Variants in TENM2 observed in about 807,000 individuals in gnomAD.
TENM2 encodes teneurin-2.
In TENM2, 52 loss-of-function variants were observed where a neutral mutation model predicts 245.2. The ratio of observed to expected loss-of-function variants is 0.21; its 90% CI spans 0.17 to 0.27. The LOEUF (loss-of-function observed/expected upper bound fraction) is 0.27. TENM2 is among the 10% of genes least tolerant of loss of function. The pLI, the probability that TENM2 is intolerant of heterozygous loss-of-function variation, is 1.00. For synonymous variants in TENM2, 1,363 were observed against 1,438.9 expected (o/e 0.95, Z 1.19); for missense variants, 3,046 against 3,666.8 (o/e 0.83, Z 4.37).
At chr5:167,039,201 G>A in the TENM2 span, among the ~76,000 whole-genome samples, 1 of 152,074 alleles carries the variant, frequency 6.6e-6, no homozygotes, top group Non-Finnish European at 1.5e-5. Flanking sequence ...CACTGGAGCT[G>A]GGTGTTCCTG....
intron 2 of TENM2, among the ~76,000 whole-genome samples, chr5:167,751,223 C>T (rs1761941214): frequency 6.6e-6 from 1 of 151,978 alleles, no homozygotes; most frequent in Non-Finnish European, 1.5e-5. Flanking sequence ...AGGTAAGAAC[C>T]CTATGGACTC....
chr5:167,238,694 C>CAA, the TENM2 span, among the ~76,000 whole-genome samples: 1,507 of 57,916 alleles, frequency 0.026, 58 homozygotes, highest in African/African-American at 0.07. Context: ...ACAGGAGATG[C>CAA]AAAAAAAAAA....
At chr5:167,694,299 A>G (rs1375203230) in intron 2 of TENM2, among the ~76,000 whole-genome samples, 2 of 152,132 alleles carry the variant, frequency 1.3e-5, no homozygotes, top group African/African-American at 2.4e-5. Context: ...CAAAACTGGG[A>G]TCCTGATTGA....
chr5:167,316,473 GTTTC>G (rs1002966464), intron 1 of TENM2, among the ~76,000 whole-genome samples: 2 of 152,232 alleles, frequency 1.3e-5, no homozygotes, highest in African/African-American at 2.4e-5. Flanking sequence ...CTGCCTAAGT[GTTTC>G]TTTCTTTCTT....
chr5:167,077,331 C>CT, the TENM2 span, among the ~76,000 whole-genome samples: 2 of 152,026 alleles, frequency 1.3e-5, no homozygotes, highest in South Asian at 2.1e-4. Flanking sequence ...CATTTTTAAA[C>CT]TTTTTTTTCT....
chr5:167,162,616 G>A, the TENM2 span, among the ~76,000 whole-genome samples: 2 of 144,608 alleles, frequency 1.4e-5, no homozygotes, highest in African/African-American at 5.2e-5. Flanking sequence ...GACAAAGCAA[G>A]ACTGTATCTA....
At chr5:167,018,563 G>A in the TENM2 span, among the ~76,000 whole-genome samples, 29 of 152,140 alleles carry the variant, frequency 1.9e-4, no homozygotes, top group Non-Finnish European at 3.8e-4. Flanking sequence ...TTATTTTTAG[G>A]GTGGCAGACA....
intron 2 of TENM2, among the ~76,000 whole-genome samples, chr5:167,427,383 G>T (rs1223817407): frequency 6.6e-6 from 1 of 151,474 alleles, no homozygotes; most frequent in African/African-American, 2.4e-5. Flanking sequence ...AACCCAGGAG[G>T]TGGATAGTCC....
At chr5:168,126,382 G>C (rs61005689) in intron 11 of TENM2, among the ~76,000 whole-genome samples, 1 of 152,152 alleles carries the variant, frequency 6.6e-6, no homozygotes, top group East Asian at 1.9e-4. Flanking sequence ...TCAATCTCTA[G>C]AAGAGTGGTT....
intron 2 of TENM2, among the ~76,000 whole-genome samples, chr5:167,480,645 C>G (rs1173956758): frequency 6.6e-6 from 1 of 152,138 alleles, no homozygotes; most frequent in African/African-American, 2.4e-5. Flanking sequence ...TCTTAATGAA[C>G]TTTGCACCAA....
chr5:167,346,806 C>T (rs1758483602), intron 1 of TENM2, among the ~76,000 whole-genome samples: 1 of 152,042 alleles, frequency 6.6e-6, no homozygotes, highest in African/African-American at 2.4e-5. Flanking sequence ...GAGTCTCACA[C>T]TCTGTCACTC....
chr5:167,257,320 AGGT>A, the TENM2 span, among the ~76,000 whole-genome samples: 1 of 152,060 alleles, frequency 6.6e-6, no homozygotes, highest in African/African-American at 2.4e-5. Context: ...TTCCATTTGA[AGGT>A]TATAAAATAT....
intron 2 of TENM2, among the ~76,000 whole-genome samples, chr5:167,799,560 T>C (rs755048272): frequency 1.3e-5 from 2 of 152,218 alleles, no homozygotes; most frequent in Non-Finnish European, 2.9e-5. Context: ...AAATGAAAAC[T>C]GTAAGAAATA....
At chr5:168,238,268 A>AGAAAAGAAAAGAAAAGAAAGGAAAG (rs1554230374) in intron 25 of TENM2, among the ~76,000 whole-genome samples, 1 of 120,830 alleles carries the variant, frequency 8.3e-6, no homozygotes, top group Non-Finnish European at 1.7e-5. Context: ...AGAAAAGAAA[A>AGAAAAGAAAAGAAAAGAAAGGAAAG]GAAAAGAAAA....
chr5:167,073,546 C>T, the TENM2 span, among the ~76,000 whole-genome samples: 1 of 151,994 alleles, frequency 6.6e-6, no homozygotes, highest in Non-Finnish European at 1.5e-5. Flanking sequence ...TTGCTATTGT[C>T]TCTCCCCCTC....
rs536908517 is a variant in TENM2, at chr5:168,184,908, G to T, written c.2570-5429G>T. ...ACAAAAACCTATAGCCAGCACAAAA[G>T]TAAGTGCCACCTTGTGCCAATGGTA... On this transcript the variant is annotated intron_variant, in intron 13 of 28. Coordinates refer to ENST00000518659, the Ensembl canonical transcript of TENM2. 3.9e-5 allele frequency among the ~76,000 whole-genome samples: 6 copies of T among 152,332 alleles called. No individual in the cohort carries two copies. In the South Asian group the frequency reaches 1.0e-3, roughly 26 times the overall value.
intron 2 of TENM2, among the ~76,000 whole-genome samples, chr5:167,484,174 G>A (rs778576807): frequency 6.6e-6 from 1 of 152,132 alleles, no homozygotes; most frequent in Non-Finnish European, 1.5e-5. Flanking sequence ...GTGAAACCCT[G>A]TCTCTACTAA....
the TENM2 span, among the ~76,000 whole-genome samples, chr5:167,046,754 G>T: frequency 6.6e-6 from 1 of 151,982 alleles, no homozygotes; most frequent in East Asian, 1.9e-4. Context: ...TCGTTACATA[G>T]GTATCCATGT....
At chr5:167,721,046 A>T (rs1448824948) in intron 2 of TENM2, among the ~76,000 whole-genome samples, 2 of 152,192 alleles carry the variant, frequency 1.3e-5, no homozygotes, top group Non-Finnish European at 2.9e-5. Context: ...CAATCACTTA[A>T]TTTTCTAAAA....
Sources: gnomAD v4.1 joint callset for allele counts (sites outside exome capture counted in the v4.1 genomes callset) on GRCh38, gnomAD v4.1.1 for gene constraint, MANE v1.5 for transcripts, NCBI Gene and HGNC (gene_info 2026-07-23, HGNC 2026-07-21) for gene names.